Variants in PCDHGA5 observed in about 807,000 individuals in gnomAD.
PCDHGA5 encodes the protein protocadherin gamma-A5.
A neutral mutation model predicts 56.7 loss-of-function variants in PCDHGA5; 36 were observed. The ratio of observed to expected loss-of-function variants is 0.64; its 90% CI spans 0.49 to 0.84. PCDHGA5 has a LOEUF of 0.84. PCDHGA5 is among the 40% of genes least tolerant of loss of function. The probability of loss-of-function intolerance (pLI) is 0.00; values close to 1 mark genes in which losing one functional copy is unlikely to be tolerated. For synonymous variants in PCDHGA5, 563 were observed against 520.2 expected, an observed-to-expected ratio of 1.08 and a Z score of -1.12; for missense variants, 1,305 against 1,201.5, an observed-to-expected ratio of 1.09 and a Z score of -1.27.
rs375363587 is a variant in PCDHGA5 at position 141,414,524 on chromosome 5, A to G, written c.2421+47773A>G. On this transcript the variant is annotated intron_variant, in intron 1 of 3. Coordinates refer to ENST00000518069, the MANE Select transcript of PCDHGA5 (RefSeq NM_018918.3). ...TTTATGCTACAAGTGGCAGATATCA[A>G]TGACAACCCACCTACCTTCTCTCAA... 105 of 1,613,844 alleles carry G rather than the reference A, an allele frequency of 6.5e-5. 1 individual carries two copies. In the South Asian group the frequency reaches 7.2e-4, roughly 11 times the overall value.
rs2096175268 is a variant in PCDHGA5, at chr5:141,417,870, G to A, written c.2421+51119G>A. On this transcript the variant is annotated intron_variant, in intron 1 of 3. Transcript: ENST00000518069. ...GAACCCGAGCGAACGATGGGAGGGA[G>A]CTGCGCGCAGAGGCGCCGGGCCGGC... 3 of 1,553,910 alleles carry A rather than the reference G, an allele frequency of 1.9e-6. No homozygotes were observed. Among genetic ancestry groups the A allele is most frequent in the Admixed American group, 2.0e-5 (1 of 51,084 alleles).
chr5:141,372,086 C>T (rs1389787406), intron 1 of PCDHGA5: 21 of 1,613,620 alleles, frequency 1.3e-5, no homozygotes, highest in East Asian at 2.2e-5. Flanking sequence ...TGGTGCTGTA[C>T]CCAGCTCTGG....
At position 141,372,017 on chromosome 5, in the gene PCDHGA5, G is replaced by A. The variant is rs1404745183; in HGVS notation, c.2421+5266G>A. Reference sequence around the variant, plus strand: ...AGGCCCGCGACCAGGGCTCGCCTACGCTCAGCGCCAACGTGAGCCTGCGCG... The same window carrying A: ...AGGCCCGCGACCAGGGCTCGCCTACACTCAGCGCCAACGTGAGCCTGCGCG... On this transcript the variant is annotated intron_variant, in intron 1 of 3. Coordinates refer to ENST00000518069, the MANE Select transcript of PCDHGA5 (RefSeq NM_018918.3). The A allele has an allele frequency of 4.3e-6, 7 of 1,613,220 alleles. No homozygotes were observed. The African/African-American group carries it at 9.3e-5, about 22-fold the overall frequency.
At position 141,497,121 on chromosome 5, in the gene PCDHGA5, G is replaced by T. The variant is rs185298630; in HGVS notation, c.2480+2256G>T. Among the ~76,000 whole-genome samples, 563 of 152,212 alleles carry T rather than the reference G, an allele frequency of 3.7e-3. 5 individuals are homozygous for T. The highest frequency in any genetic ancestry group is 0.011 in the Admixed American group (164 of 15,296). On this transcript the variant is annotated intron_variant, in intron 2 of 3. Coordinates refer to ENST00000518069, the MANE Select transcript of PCDHGA5 (RefSeq NM_018918.3). Reference sequence around the variant, plus strand: ...GAACTGCTTGAACCCGGAAGGCAGAGGTTGCAGTGAGCTGAGATCACGAAA... The same window carrying T: ...GAACTGCTTGAACCCGGAAGGCAGATGTTGCAGTGAGCTGAGATCACGAAA...
intron 1 of PCDHGA5, chr5:141,411,313 T>C (rs970801897): frequency 6.6e-5 from 10 of 152,224 alleles, no homozygotes; most frequent in African/African-American, 2.4e-4. Context: ...CTCACACCTA[T>C]AATCACAGCA....
chr5:141,375,599 T>A (rs1352335566), intron 1 of PCDHGA5: 1 of 1,614,126 alleles, frequency 6.2e-7, no homozygotes, highest in East Asian at 2.2e-5. Context: ...CTCCTACGTG[T>A]CCATCAACTC....
chr5:141,500,148 G>T (rs936567158), intron 2 of PCDHGA5, among the ~76,000 whole-genome samples: 6 of 150,990 alleles, frequency 4.0e-5, no homozygotes, highest in African/African-American at 1.5e-4. Flanking sequence ...ACTTTTCTTT[G>T]TGTAATCAAA....
At position 141,372,540 on chromosome 5, in the gene PCDHGA5, C is replaced by G. The variant is rs1208837944; in HGVS notation, c.2421+5789C>G. On this transcript the variant is annotated intron_variant, in intron 1 of 3. Transcript: ENST00000518069. Reference sequence around the variant, plus strand: ...GATTCTGGCAATCTCCCTGCGCCTGCGATGCTCCTCCAGACCCGCCACTGA... The same window carrying G: ...GATTCTGGCAATCTCCCTGCGCCTGGGATGCTCCTCCAGACCCGCCACTGA... The G allele has an allele frequency of 1.9e-6, 3 of 1,614,012 alleles. No homozygotes were observed. The highest frequency in any genetic ancestry group is 3.3e-5 in the Admixed American group (2 of 60,026).
In PCDHGA5 at chr5:141,379,822, T is replaced by C. The variant is rs186939729; in HGVS notation, c.2421+13071T>C. ...GGTTTTGAGAGTTCAGTATAGAATT[T>C]TGAAGCATCAGGAAAAAAAACTACC... On this transcript the variant is annotated intron_variant, in intron 1 of 3. Transcript: ENST00000518069. Among the ~76,000 whole-genome samples, 5 of 150,884 alleles carry C rather than the reference T, an allele frequency of 3.3e-5. No individual in the cohort carries two copies. In the East Asian group the frequency reaches 9.7e-4, roughly 29 times the overall value.
At chr5:141,497,818 G>T (rs2099779657) in intron 2 of PCDHGA5, among the ~76,000 whole-genome samples, 1 of 152,194 alleles carries the variant, frequency 6.6e-6, no homozygotes, top group African/African-American at 2.4e-5. Context: ...AGAATTACAG[G>T]TGTGATCGCC....
At chr5:141,400,637 C>T (rs1198861683) in intron 1 of PCDHGA5, 1 of 1,324,714 alleles carries the variant, frequency 7.5e-7, no homozygotes, top group Non-Finnish European at 1.1e-6. Flanking sequence ...GTCAGAGCTG[C>T]TCAGAAAGCT....
At chr5:141,439,190 CAA>C (rs200519543) in intron 1 of PCDHGA5, among the ~76,000 whole-genome samples, 3 of 111,702 alleles carry the variant, frequency 2.7e-5, no homozygotes, top group Non-Finnish European at 4.0e-5. Flanking sequence ...GAGACTCTGA[CAA>C]AAAAAAAAAA....
chr5:141,439,756 G>A (rs74623862), intron 1 of PCDHGA5: 30 of 152,422 alleles, frequency 2.0e-4, no homozygotes, highest in African/African-American at 7.0e-4. Context: ...CAGGCAATGA[G>A]TTCAGCTCCT....
chr5:141,371,355 G>T (rs369960328), intron 1 of PCDHGA5: 6 of 1,613,974 alleles, frequency 3.7e-6, no homozygotes, highest in Non-Finnish European at 3.4e-6. Flanking sequence ...TGGGGTGGAA[G>T]CAAAGGATGG....
In PCDHGA5 at chr5:141,365,434, G is replaced by A. The variant is rs770375441; in HGVS notation, c.1104G>A (p.Leu368=). The change falls in exon 1 of 4, where the codon CTG becomes CTA. Residue 368 remains leucine (L), a synonymous_variant. Transcript: ENST00000518069. The stretch of plus-strand genomic sequence containing the variant: ...GTCTTCCCGGAACTGTAATCGCGCT[G>A]TTTAGCGTACATGATGGTGATTCTG... ...EDCLPGTVIA[L]FSVHDGDSGE... is the part of the protein sequence containing the mutation. The A allele has an allele frequency of 3.7e-6, 6 of 1,613,902 alleles. No homozygotes were observed. The highest frequency in any genetic ancestry group is 5.1e-6 in the Non-Finnish European group (6 of 1,179,914).
At chr5:141,468,425 T>TA (rs2099167168) in intron 1 of PCDHGA5, 1 of 151,612 alleles carries the variant, frequency 6.6e-6, no homozygotes, top group Non-Finnish European at 1.5e-5. Context: ...GATAGCAAGG[T>TA]AATAGCAAAA....
intron 1 of PCDHGA5, among the ~76,000 whole-genome samples, chr5:141,468,921 G>A (rs1254189500): frequency 6.6e-6 from 1 of 151,342 alleles, no homozygotes; most frequent in African/African-American, 2.4e-5. Context: ...GAAGAGAATA[G>A]CACTAAAATG....
intron 1 of PCDHGA5, chr5:141,421,544 A>G (rs2096582597): frequency 6.2e-7 from 1 of 1,613,912 alleles, no homozygotes; most frequent in African/African-American, 1.3e-5. Context: ...TGTTTTTTAA[A>G]TATGGAACTT....
chr5:141,408,699 CAATT>C (rs778787749), intron 1 of PCDHGA5: 9 of 1,613,534 alleles, frequency 5.6e-6, no homozygotes, highest in Non-Finnish European at 6.8e-6. Flanking sequence ...AACATAAACT[CAATT>C]AAAGATTATA....
Sources: gnomAD v4.1 joint callset for allele counts (sites outside exome capture counted in the v4.1 genomes callset) on GRCh38, gnomAD v4.1.1 for gene constraint, MANE v1.5 for transcripts, NCBI Gene and HGNC (gene_info 2026-07-23, HGNC 2026-07-21) for gene names.